SND1: variants seen among roughly 807,000 people sequenced by gnomAD.
SND1 encodes the protein staphylococcal nuclease domain-containing protein 1.
In SND1, 38 loss-of-function variants were observed where a neutral mutation model predicts 121.7. That is an observed-to-expected ratio of 0.31 (90% CI 0.24 to 0.41). The LOEUF is 0.41. Among genes scored for constraint, SND1 ranks in the 10% least tolerant of loss-of-function variants. The probability of loss-of-function intolerance (pLI) is 1.00; values close to 1 mark genes in which losing one functional copy is unlikely to be tolerated. For missense variants in SND1, 868 were observed against 1,184.6 expected (o/e 0.73, Z 3.92); for synonymous variants, 401 against 447.4 (o/e 0.90, Z 1.31).
At chr7:128,010,404 A>C (rs1011372467) in intron 16 of SND1, among the ~76,000 whole-genome samples, 1 of 152,314 alleles carries the variant, frequency 6.6e-6, no homozygotes, top group Admixed American at 6.5e-5. Flanking sequence ...TGTGGGTACT[A>C]AGAGGATGAA....
At chr7:127,988,641 G>T (rs528942382) in intron 15 of SND1, among the ~76,000 whole-genome samples, 1 of 152,356 alleles carries the variant, frequency 6.6e-6, no homozygotes, top group Non-Finnish European at 1.5e-5. Context: ...CACCAACCTG[G>T]TGAGATTTCA....
At chr7:127,838,406 A>G (rs1798905671) in intron 11 of SND1, among the ~76,000 whole-genome samples, 1 of 152,196 alleles carries the variant, frequency 6.6e-6, no homozygotes, top group Non-Finnish European at 1.5e-5. Context: ...ATTATATCCT[A>G]CACTGTTAAG....
chr7:127,797,150 C>T (rs1798043429), intron 10 of SND1, among the ~76,000 whole-genome samples: 1 of 152,128 alleles, frequency 6.6e-6, no homozygotes, highest in Non-Finnish European at 1.5e-5. Flanking sequence ...ACCTCACCCT[C>T]CCACAGTGCT....
At chr7:127,764,982 C>T (rs1797386197) in intron 10 of SND1, among the ~76,000 whole-genome samples, 3 of 152,004 alleles carry the variant, frequency 2.0e-5, no homozygotes, top group South Asian at 4.2e-4. Flanking sequence ...GGGTTGGTGT[C>T]GCTGTTGATG....
At chr7:127,689,675 C>G (rs1795877363) in intron 2 of SND1, among the ~76,000 whole-genome samples, 1 of 152,068 alleles carries the variant, frequency 6.6e-6, no homozygotes, top group African/African-American at 2.4e-5. Flanking sequence ...TTTTGCCTCT[C>G]CCAGACTAAC....
chr7:127,936,524 T>C (rs1353346878), intron 15 of SND1, among the ~76,000 whole-genome samples: 2 of 152,194 alleles, frequency 1.3e-5, no homozygotes, highest in African/African-American at 4.8e-5. Context: ...CATGCTTTTA[T>C]TTTTTACTTT....
At chr7:127,870,450 G>T (rs1799563611) in intron 12 of SND1, among the ~76,000 whole-genome samples, 1 of 152,056 alleles carries the variant, frequency 6.6e-6, no homozygotes, top group African/African-American at 2.4e-5. Context: ...GGTCATCGTT[G>T]GAACATCATG....
chr7:127,943,809 G>A (rs1334339653), intron 15 of SND1, among the ~76,000 whole-genome samples: 1 of 152,202 alleles, frequency 6.6e-6, no homozygotes, highest in Non-Finnish European at 1.5e-5. Context: ...CCTTAACTGT[G>A]CTGATGAAAG....
intron 16 of SND1, among the ~76,000 whole-genome samples, chr7:128,023,360 AAT>A (rs1300343702): frequency 2.0e-5 from 3 of 152,216 alleles, no homozygotes; most frequent in African/African-American, 7.2e-5. Flanking sequence ...TGACCTGAGT[AAT>A]AAGGCTATGA....
Position 127,702,545 on chromosome 7 carries a change from CTACGTGGTGGGTTTAGAGTGTGTGGATGT to C in SND1, c.681+21_681+49del. 1 of 1,603,190 alleles carries C rather than the reference CTACGTGGTGGGTTTAGAGTGTGTGGATGT, an allele frequency of 6.2e-7. No individual in the cohort carries two copies. Among genetic ancestry groups the C allele is most frequent in the Non-Finnish European group, 8.5e-7 (1 of 1,170,084 alleles). ...CATCAAGGTCAGACCATACTCTTGG[CTACGTGGTGGGTTTAGAGTGTGTGGATGT>C]TCAGTGATGGATTCTTCTACTTGGG... is the stretch of plus-strand genomic sequence containing the variant. On this transcript the variant is annotated intron_variant, in intron 6 of 23. Coordinates refer to ENST00000354725, the MANE Select transcript of SND1 (RefSeq NM_014390.4).
At chr7:128,030,050 G>A (rs774135437) in intron 16 of SND1, 23 of 1,613,338 alleles carry the variant, frequency 1.4e-5, no homozygotes, top group South Asian at 2.2e-5. Context: ...GATACTTGAG[G>A]TTGAACAGCC....
At chr7:127,884,493 A>G (rs567141229) in intron 12 of SND1, among the ~76,000 whole-genome samples, 3 of 152,110 alleles carry the variant, frequency 2.0e-5, no homozygotes, top group Non-Finnish European at 4.4e-5. Context: ...CGCAACAGAG[A>G]TACTAAGGCA....
intron 16 of SND1, among the ~76,000 whole-genome samples, chr7:128,023,712 GTC>G (rs1161557894): frequency 5.3e-5 from 8 of 152,180 alleles, no homozygotes; most frequent in Admixed American, 1.3e-4. Flanking sequence ...CAATAGGCAT[GTC>G]TCTCTTTGGA....
intron 10 of SND1, among the ~76,000 whole-genome samples, chr7:127,781,587 AT>A (rs10711170): frequency 0.94 from 142,645 of 151,342 alleles, 67,646 homozygotes; most frequent in Non-Finnish European, 1. Context: ...TGTTCATTTG[AT>A]TTTTTTTTTT....
chr7:127,681,107 C>T (rs1051173446), intron 1 of SND1, among the ~76,000 whole-genome samples: 3 of 152,156 alleles, frequency 2.0e-5, no homozygotes, highest in Admixed American at 6.5e-5. Context: ...AAAGCAGCTA[C>T]ACCACCCATA....
intron 10 of SND1, among the ~76,000 whole-genome samples, chr7:127,768,349 G>T (rs1471234407): frequency 1.3e-5 from 2 of 152,214 alleles, no homozygotes; most frequent in Non-Finnish European, 2.9e-5. Flanking sequence ...AAAGGGATTA[G>T]AGTGGCAAAT....
intron 10 of SND1, among the ~76,000 whole-genome samples, chr7:127,772,290 CT>C (rs1358117759): frequency 3.3e-5 from 5 of 152,150 alleles, no homozygotes; most frequent in African/African-American, 1.2e-4. Context: ...ATGAATGGTC[CT>C]TTTCCATGTG....
chr7:128,030,242 G>A (rs752506859), intron 16 of SND1: 5 of 1,614,254 alleles, frequency 3.1e-6, no homozygotes, highest in East Asian at 2.2e-5. Flanking sequence ...CTGTCAGCCA[G>A]TTGTCGAACA....
chr7:127,701,680 C>T (rs1439843075), intron 5 of SND1, among the ~76,000 whole-genome samples: 1 of 152,018 alleles, frequency 6.6e-6, no homozygotes, highest in African/African-American at 2.4e-5. Flanking sequence ...CAGATACGGT[C>T]ATGCTTCATT....
Sources: gnomAD v4.1 joint callset for allele counts (sites outside exome capture counted in the v4.1 genomes callset) on GRCh38, gnomAD v4.1.1 for gene constraint, MANE v1.5 for transcripts, NCBI Gene and HGNC (gene_info 2026-07-23, HGNC 2026-07-21) for gene names.